The following LMBR1 variants were observed in gnomAD, a reference collection of about 807,000 sequenced individuals.
LMBR1 encodes the protein limb region 1 protein homolog.
LMBR1 carries 52 observed loss-of-function variants against 73.9 expected under a neutral mutation model. The observed-to-expected ratio is 0.70, with a 90% CI of 0.56 to 0.89. The LOEUF (loss-of-function observed/expected upper bound fraction) is 0.89. LMBR1 is among the 40% of genes least tolerant of loss of function. The pLI is 0.00. For missense variants in LMBR1, 539 were observed against 579.8 expected, an observed-to-expected ratio of 0.93 and a Z score of 0.72; for synonymous variants, 215 against 209.4, an observed-to-expected ratio of 1.03 and a Z score of -0.23.
chr7:156,730,460 G>A (rs570703767), intron 10 of LMBR1, among the ~76,000 whole-genome samples: 86 of 152,286 alleles, frequency 5.6e-4, no homozygotes, highest in African/African-American at 1.3e-3. Context: ...GAAATGGACC[G>A]GTCGTCATAA....
chr7:156,861,634 T>A (rs1797729973), intron 1 of LMBR1, among the ~76,000 whole-genome samples: 1 of 152,214 alleles, frequency 6.6e-6, no homozygotes, highest in Admixed American at 6.5e-5. Context: ...TATGCTCTGT[T>A]TTCCTTTTAC....
intron 4 of LMBR1, among the ~76,000 whole-genome samples, chr7:156,817,355 T>G (rs1434703954): frequency 6.6e-6 from 1 of 152,122 alleles, no homozygotes; most frequent in African/African-American, 2.4e-5. Flanking sequence ...CTAATCCAAT[T>G]ATCAAAAAGC....
At chr7:156,869,541 C>G (rs548271092) in intron 1 of LMBR1, among the ~76,000 whole-genome samples, 1 of 151,974 alleles carries the variant, frequency 6.6e-6, no homozygotes, top group East Asian at 1.9e-4. Flanking sequence ...ATAATCAAAG[C>G]CTACAAATAC....
chr7:156,716,388 G>C (rs1048852777), intron 15 of LMBR1, among the ~76,000 whole-genome samples: 5 of 152,182 alleles, frequency 3.3e-5, no homozygotes, highest in African/African-American at 1.2e-4. Flanking sequence ...TTCTAATCTG[G>C]AGGCAAATTA....
intron 15 of LMBR1, among the ~76,000 whole-genome samples, chr7:156,693,642 T>C (rs1327873893): frequency 1.3e-5 from 2 of 152,136 alleles, no homozygotes; most frequent in African/African-American, 4.8e-5. Context: ...ATTGAATCAC[T>C]AATCAAAACT....
intron 3 of LMBR1, among the ~76,000 whole-genome samples, chr7:156,829,442 T>G (rs1043550863): frequency 6.6e-6 from 1 of 152,164 alleles, no homozygotes; most frequent in Non-Finnish European, 1.5e-5. Flanking sequence ...GAGCTGGTTG[T>G]TTAAAGGAAC....
intron 1 of LMBR1, among the ~76,000 whole-genome samples, chr7:156,864,086 G>T (rs899113979): frequency 4.6e-5 from 7 of 152,104 alleles, no homozygotes; most frequent in Non-Finnish European, 8.8e-5. Context: ...CCTGGGAAGT[G>T]GAGGTTGCAG....
chr7:156,777,203 G>A (rs1319309164), intron 5 of LMBR1, among the ~76,000 whole-genome samples: 1 of 152,176 alleles, frequency 6.6e-6, no homozygotes, highest in South Asian at 2.1e-4. Context: ...CCAAAGTGCT[G>A]GGATTACAGG....
Position 156,796,470 on chromosome 7 carries a change from A to C in LMBR1, c.342T>G (p.Leu114=), listed in dbSNP as rs1563381124. 3.1e-6 allele frequency: 5 copies of C among 1,607,612 alleles called. No individual in the cohort carries two copies. The highest frequency in any genetic ancestry group is 2.5e-6 in the Non-Finnish European group (3 of 1,177,328). Reference sequence around the variant, plus strand: ...ATACAAATAAACAAAGGTTGGAAAAAAGGGAAGCAAGATTCCACAAACCTA... The same window carrying C: ...ATACAAATAAACAAAGGTTGGAAAACAGGGAAGCAAGATTCCACAAACCTA... ...LIHGLWNLAS[L]FSNLCLFVLM... The change falls in exon 5 of 17, where the codon CTT becomes CTG. Residue 114 remains leucine (L), a synonymous_variant. Transcript: ENST00000353442.
chr7:156,688,075 G>A lies in LMBR1; in HGVS notation c.1342C>T (p.Arg448Ter), dbSNP rs1004969335. 5 of 1,610,870 alleles carry A rather than the reference G, an allele frequency of 3.1e-6. No homozygotes were observed. The highest frequency in any genetic ancestry group is 2.2e-5 in the South Asian group (2 of 90,330). Residue 448 changes from arginine to a stop codon, truncating the protein, a stop_gained, in exon 16 of 17, where the codon CGA (arginine) becomes TGA (stop). Transcript: ENST00000353442. LOFTEE classifies it high-confidence loss of function. ...FAIVTTLCLV[R>*]KFTSAVREEL... ...TCTCGAACTGCAGAGGTGAATTTTC[G>A]GACCAGACACAATGTTGTCACAATA...
intron 15 of LMBR1, among the ~76,000 whole-genome samples, chr7:156,695,299 A>C (rs1310052120): frequency 6.6e-6 from 1 of 152,164 alleles, no homozygotes. Context: ...ACAGAACAAG[A>C]CTTTGTCTCC....
At chr7:156,718,551 C>A (rs7791499) in intron 15 of LMBR1, among the ~76,000 whole-genome samples, 3 of 151,890 alleles carry the variant, frequency 2.0e-5, no homozygotes, top group Non-Finnish European at 2.9e-5. Flanking sequence ...TGGCAAAACC[C>A]CGTCTCTACA....
At chr7:156,732,157 G>T (rs7807076) in intron 10 of LMBR1, among the ~76,000 whole-genome samples, 27,459 of 151,922 alleles carry the variant, frequency 0.18, 2,890 homozygotes, top group African/African-American at 0.3. Flanking sequence ...GGGACCAGGT[G>T]TGTCATCCAG....
At chr7:156,767,027 G>A (rs1460518152) in intron 5 of LMBR1, among the ~76,000 whole-genome samples, 3 of 152,156 alleles carry the variant, frequency 2.0e-5, no homozygotes, top group African/African-American at 7.2e-5. Context: ...AAAATGAAAC[G>A]CGCCTTGCTT....
In LMBR1 at chr7:156,682,419, T is replaced by C. The variant is rs1337443113; in HGVS notation, c.*1659A>G. The stretch of plus-strand genomic sequence containing the variant: ...CTGGCAATTAATACTTCAATAGGCA[T>C]AACAATGAAATTGGAAAAGAGCTGA... On this transcript the variant is annotated 3_prime_UTR_variant, in exon 17 of 17. Coordinates refer to ENST00000353442, the MANE Select transcript of LMBR1 (RefSeq NM_022458.4). 2 of 152,214 alleles carry C rather than the reference T, an allele frequency of 1.3e-5. No individual in the cohort carries two copies. The highest frequency in any genetic ancestry group is 6.5e-5 in the Admixed American group (1 of 15,280). The allele number at this position is 152,214 out of a possible 1,614,324, so 9.4% of individuals were successfully genotyped here.
At chr7:156,881,983 C>T (rs1350652417) in intron 1 of LMBR1, among the ~76,000 whole-genome samples, 2 of 152,086 alleles carry the variant, frequency 1.3e-5, no homozygotes, top group Non-Finnish European at 2.9e-5. Flanking sequence ...AGTATTTATC[C>T]TAAGAATCAC....
Position 156,683,406 on chromosome 7 carries a change from T to C in LMBR1, c.*672A>G, listed in dbSNP as rs1255996744. ...TACTTCCTACCACAGCTTATTAGAC[T>C]GTACAACAGAAGATATTCCTGTGGC... On this transcript the variant is annotated 3_prime_UTR_variant, in exon 17 of 17. Transcript: ENST00000353442. 1.3e-5 allele frequency: 2 copies of C among 152,692 alleles called. No individual in the cohort carries two copies. The highest frequency in any genetic ancestry group is 3.8e-4 in the East Asian group (2 of 5,202). 9.5% of individuals were successfully genotyped at this position (152,692 alleles called of 1,614,324 possible).
At chr7:156,806,780 T>A (rs868845745) in intron 4 of LMBR1, among the ~76,000 whole-genome samples, 8 of 151,782 alleles carry the variant, frequency 5.3e-5, no homozygotes, top group South Asian at 2.1e-4. Context: ...CCCAGTTAAG[T>A]TTTATATTTT....
At chr7:156,808,572 A>G (rs1563415838) in intron 4 of LMBR1, among the ~76,000 whole-genome samples, 2 of 152,196 alleles carry the variant, frequency 1.3e-5, no homozygotes, top group Non-Finnish European at 2.9e-5. Flanking sequence ...CATTACATTT[A>G]AAGTGATTAT....
Sources: gnomAD v4.1 joint callset for allele counts (sites outside exome capture counted in the v4.1 genomes callset) on GRCh38, gnomAD v4.1.1 for gene constraint, MANE v1.5 for transcripts, NCBI Gene and HGNC (gene_info 2026-07-23, HGNC 2026-07-21) for gene names.